The following KANK2 variants were observed in gnomAD, a reference collection of about 807,000 sequenced individuals.
KANK2 encodes the protein KN motif and ankyrin repeat domains 2.
In KANK2, 41 loss-of-function variants were observed where a neutral mutation model predicts 74.6. The ratio of observed to expected loss-of-function variants is 0.55; its 90% CI spans 0.43 to 0.71. KANK2 has a LOEUF of 0.71. Ranked by LOEUF, KANK2 falls within the 30% of genes least tolerant of loss-of-function variation. KANK2 has a pLI of 0.00. For missense variants in KANK2, 1,148 were observed against 1,196.4 expected, an observed-to-expected ratio of 0.96 and a Z score of 0.60; for synonymous variants, 537 against 519.0, an observed-to-expected ratio of 1.03 and a Z score of -0.47.
At chr19:11,184,200 A>AGAC (rs879834776) in intron 4 of KANK2, among the ~76,000 whole-genome samples, 3,046 of 148,656 alleles carry the variant, frequency 0.02, 119 homozygotes, top group Admixed American at 0.027. Flanking sequence ...ACATGGTGAA[A>AGAC]CCCAGTCTCT....
chr19:11,182,982 T>G (rs1201183543), intron 4 of KANK2, among the ~76,000 whole-genome samples: 1 of 152,090 alleles, frequency 6.6e-6, no homozygotes, highest in Non-Finnish European at 1.5e-5. Context: ...AAGGTTAGAC[T>G]TGGAATGCTA....
chr19:11,170,020 C>T lies in KANK2; in HGVS notation c.2412+28G>A. 1 of 1,612,232 alleles carries T rather than the reference C, an allele frequency of 6.2e-7. No homozygotes were observed. The highest frequency in any genetic ancestry group is 8.5e-7 in the Non-Finnish European group (1 of 1,178,400). On this transcript the variant is annotated intron_variant, in intron 11 of 12. Coordinates refer to ENST00000586659, the MANE Select transcript of KANK2 (RefSeq NM_001136191.3). The surrounding 1 kb of genome is among the most constrained non-coding windows in gnomAD (Gnocchi z 5.2). ...GTCCCCATGCTGTGCTCCCGCCCTC[C>T]CCGGGGTGCACCTGGTTGGAGACTC... is the stretch of plus-strand genomic sequence containing the variant.
chr19:11,192,750 T>G (rs1220318926), intron 4 of KANK2, 81 bp downstream of exon 4: 3 of 1,547,022 alleles, frequency 1.9e-6, no homozygotes, highest in Non-Finnish European at 2.7e-6. Context: ...CCTGGCGTTC[T>G]GAGAGTCCAG....
intron 9 of KANK2, among the ~76,000 whole-genome samples, chr19:11,173,332 G>A (rs954302290): frequency 7.2e-5 from 11 of 152,142 alleles, no homozygotes; most frequent in Non-Finnish European, 1.3e-4. Context: ...CAGATTTGGG[G>A]CCCCTGATGC....
rs940478179 is a variant in KANK2 at position 11,165,877 on chromosome 19, T to C, written c.*681A>G. 1 of 152,208 alleles carries C rather than the reference T, an allele frequency of 6.6e-6. No homozygotes were observed. The highest frequency in any genetic ancestry group is 6.6e-5 in the Admixed American group (1 of 15,266). 9.4% of individuals were successfully genotyped at this position (152,208 alleles called of 1,614,324 possible). A position where few individuals can be genotyped will look rare whatever the true frequency, so the allele number is the denominator to read the frequency against. On this transcript the variant is annotated 3_prime_UTR_variant, in exon 13 of 13. Coordinates refer to ENST00000586659, the MANE Select transcript of KANK2 (RefSeq NM_001136191.3). ...CCGGTAATTTCTCATTGTGAATTGATTGGGTCCCTGTAAGTCACAGAGCCT... is the reference window on the plus strand; with the variant it reads ...CCGGTAATTTCTCATTGTGAATTGACTGGGTCCCTGTAAGTCACAGAGCCT...
In KANK2 at chr19:11,178,393, T is replaced by C; in HGVS notation, c.1472A>G (p.Asp491Gly). ...SIMKRKEEVA[D>G]PTAHRRSLQF... Reference sequence around the variant, plus strand: ...GAGGCTCCTCCGGTGGGCCGTGGGGTCTGCAACCTCCTCTTTCCGTTTCAT... The same window carrying C: ...GAGGCTCCTCCGGTGGGCCGTGGGGCCTGCAACCTCCTCTTTCCGTTTCAT... The change falls in exon 6 of 13, where the codon GAC becomes GGC. Residue 491 changes from aspartate (D) to glycine (G), a missense_variant. By Grantham distance (94) the Asp-to-Gly change is moderately conservative (BLOSUM62 -1). Coordinates refer to ENST00000586659, the MANE Select transcript of KANK2 (RefSeq NM_001136191.3). The C allele has an allele frequency of 1.9e-6, 3 of 1,570,408 alleles. No individual in the cohort carries two copies. Among genetic ancestry groups the C allele is most frequent in the Non-Finnish European group, 2.6e-6 (3 of 1,164,542 alleles).
intron 4 of KANK2, among the ~76,000 whole-genome samples, chr19:11,184,192 ATGGT>A (rs879341147): frequency 0.022 from 3,344 of 149,542 alleles, 129 homozygotes; most frequent in Admixed American, 0.029. Flanking sequence ...CCTGGCCAAC[ATGGT>A]GAAACCCAGT....
intron 3 of KANK2, 73 bp from the exon 4 acceptor site, chr19:11,194,115 G>C: frequency 6.8e-7 from 1 of 1,474,182 alleles, no homozygotes; most frequent in Non-Finnish European, 9.1e-7. Flanking sequence ...TGATGCCTGG[G>C]GAGAGTTGGG....
At chr19:11,179,625 G>A (rs1295394711) in intron 4 of KANK2, among the ~76,000 whole-genome samples, 1 of 151,320 alleles carries the variant, frequency 6.6e-6, no homozygotes, top group East Asian at 1.9e-4. Flanking sequence ...GTAACAGAGA[G>A]AGACTGTCCT....
chr19:11,193,413 T>C lies in KANK2; in HGVS notation c.667A>G (p.Lys223Glu), dbSNP rs146740604. ...TTAAGTTGTACTGTGAGCTGCCGCT[T>C]TTCCTCCTGGAGCACCGAGAGCTTC... ...QVKLSVLQEE[K>E]RQLTVQLKSQ... Residue 223 changes from lysine (K) to glutamate (E), a missense_variant, in exon 4 of 13, where the codon AAG (lysine) becomes GAG (glutamate). Coordinates refer to ENST00000586659, the MANE Select transcript of KANK2 (RefSeq NM_001136191.3). This position sits in a 1 kb window ranked among gnomAD's most constrained non-coding sequence, Gnocchi z 9.6. 3 of 1,612,102 alleles carry C rather than the reference T, an allele frequency of 1.9e-6. No individual in the cohort carries two copies. The highest frequency in any genetic ancestry group is 2.7e-5 in the African/African-American group (2 of 74,746).
chr19:11,176,263 C>T (rs571314656), intron 7 of KANK2, among the ~76,000 whole-genome samples: 1 of 152,128 alleles, frequency 6.6e-6, no homozygotes, highest in East Asian at 1.9e-4. Flanking sequence ...ATTTTTTCAC[C>T]AGGGGAATAA....
At chr19:11,190,793 C>G (rs2078820260) in intron 4 of KANK2, among the ~76,000 whole-genome samples, 1 of 150,288 alleles carries the variant, frequency 6.7e-6, no homozygotes, top group African/African-American at 2.5e-5. Context: ...TGCAGTGGCA[C>G]AATCTCAGCT....
rs535004238 is a variant in KANK2 at position 11,177,515 on chromosome 19, C to G, written c.1521-698G>C. Reference sequence around the variant, plus strand: ...GACTGCAGGCACCCACCACACCCAGCTATTTTTTGTATTTTTAGTAGAGAT... The same window carrying G: ...GACTGCAGGCACCCACCACACCCAGGTATTTTTTGTATTTTTAGTAGAGAT... On this transcript the variant is annotated intron_variant, in intron 6 of 12. Coordinates refer to ENST00000586659, the MANE Select transcript of KANK2 (RefSeq NM_001136191.3). Among the ~76,000 whole-genome samples, 3 of 152,056 alleles carry G rather than the reference C, an allele frequency of 2.0e-5. No individual in the cohort carries two copies. The East Asian group carries it at 5.8e-4, about 29-fold the overall frequency.
At chr19:11,182,031 C>T (rs919017687) in intron 4 of KANK2, among the ~76,000 whole-genome samples, 1 of 150,438 alleles carries the variant, frequency 6.6e-6, no homozygotes, top group Non-Finnish European at 1.5e-5. Context: ...GATTCTCCTG[C>T]CTCAGCCTCC....
intron 1 of KANK2, chr19:11,197,032 C>G (rs965353638): frequency 6.6e-6 from 1 of 152,300 alleles, no homozygotes; most frequent in Non-Finnish European, 1.5e-5. Flanking sequence ...GGCCCAGCCG[C>G]CAAGCCCAGG....
intron 4 of KANK2, among the ~76,000 whole-genome samples, chr19:11,179,173 G>A (rs1011278734): frequency 7.9e-5 from 12 of 151,880 alleles, no homozygotes; most frequent in Non-Finnish European, 1.0e-4. Context: ...AAAATTAGCC[G>A]GGCGTGGTGG....
intron 10 of KANK2, among the ~76,000 whole-genome samples, chr19:11,172,487 T>A (rs553238192): frequency 1.6e-4 from 24 of 152,226 alleles, no homozygotes; most frequent in Non-Finnish European, 2.8e-4. Flanking sequence ...CACCTGTTCA[T>A]AAGCCCCAGT....
chr19:11,172,841 A>T, intron 10 of KANK2, 140 bp downstream of exon 10: 1 of 840,834 alleles, frequency 1.2e-6, no homozygotes, highest in Non-Finnish European at 1.9e-6. Flanking sequence ...TTTCCACAAG[A>T]AGGTCCTGTG....
intron 4 of KANK2, among the ~76,000 whole-genome samples, chr19:11,184,535 G>A (rs1007645419): frequency 4.7e-5 from 7 of 150,000 alleles, no homozygotes; most frequent in African/African-American, 1.2e-4. Flanking sequence ...TTTTGGTTAC[G>A]TCACACATAA....
Sources: allele counts gnomAD v4.1 joint callset (sites outside exome capture counted in the v4.1 genomes callset), GRCh38; gene constraint gnomAD v4.1.1; non-coding constraint Gnocchi (gnomAD v3.1); transcripts MANE v1.5; gene names NCBI Gene and HGNC (gene_info 2026-07-23, HGNC 2026-07-21).